PDXDC1: variants seen among roughly 807,000 people sequenced by gnomAD.
PDXDC1 encodes the protein pyridoxal-dependent decarboxylase domain-containing protein 1.
A neutral mutation model predicts 100.1 loss-of-function variants in PDXDC1; 42 were observed. The observed-to-expected ratio is 0.42, with a 90% CI of 0.33 to 0.54. The LOEUF (loss-of-function observed/expected upper bound fraction) is 0.54, where lower values mean the gene tolerates loss of function less well. Among genes scored for constraint, PDXDC1 ranks in the 20% least tolerant of loss-of-function variants. The pLI, the probability that PDXDC1 is intolerant of heterozygous loss-of-function variation, is 0.10. For synonymous variants in PDXDC1, 260 were observed against 371.7 expected, an observed-to-expected ratio of 0.70 and a Z score of 3.46; for missense variants, 636 against 979.2, an observed-to-expected ratio of 0.65 and a Z score of 4.68.
At chr16:15,141,957 A>G (rs955961437), downstream of PDXDC1, among the ~76,000 whole-genome samples, 2 of 152,170 alleles carry the variant, frequency 1.3e-5, no homozygotes, top group Non-Finnish European at 2.9e-5. Flanking sequence ...ATGAGGCACC[A>G]GGACCTGAGG....
intron 16 of PDXDC1, among the ~76,000 whole-genome samples, chr16:15,087,122 A>G (rs2045940907): frequency 6.6e-6 from 1 of 152,198 alleles, no homozygotes; most frequent in Admixed American, 6.5e-5. Context: ...AATTATATTC[A>G]TGCATATATA....
intron 16 of PDXDC1, among the ~76,000 whole-genome samples, chr16:15,077,869 T>C (rs966428287): frequency 1.3e-5 from 2 of 152,084 alleles, no homozygotes; most frequent in African/African-American, 4.8e-5. Context: ...TCTCTTTTTC[T>C]TCCCAGGCTC....
chr16:15,067,119 T>C (rs1173238583), intron 16 of PDXDC1, among the ~76,000 whole-genome samples: 2 of 149,732 alleles, frequency 1.3e-5, no homozygotes, highest in African/African-American at 4.9e-5. Flanking sequence ...TCCTTTACTA[T>C]CACTGAGACT....
upstream of PDXDC1, chr16:14,974,749 AG>A (rs1309826216): frequency 1.3e-6 from 2 of 1,535,378 alleles, no homozygotes; most frequent in Non-Finnish European, 1.7e-6. Context: ...TCCATTCTCG[AG>A]GGATGCCGGC....
intron 15 of PDXDC1, chr16:15,029,720 C>T (rs1208818886): frequency 3.5e-6 from 2 of 575,072 alleles, no homozygotes; most frequent in Non-Finnish European, 6.1e-6. Flanking sequence ...TTATTTTCTT[C>T]TTTTTGTTTA....
chr16:15,141,629 A>T (rs544708779), downstream of PDXDC1, among the ~76,000 whole-genome samples: 1 of 151,192 alleles, frequency 6.6e-6, no homozygotes, highest in East Asian at 2.0e-4. Flanking sequence ...CCCTAACTGA[A>T]CCCTGCTTCT....
Position 15,033,244 on chromosome 16 carries a change from T to C in PDXDC1, c.1691-34T>C, listed in dbSNP as rs201381276. 5.1e-4 allele frequency: 815 copies of C among 1,613,314 alleles called. 2 individuals carry two copies. The highest frequency in any genetic ancestry group is 6.3e-4 in the Non-Finnish European group (747 of 1,179,354). ...CCACGTCTCACCCATGACAGAGGACTGAGAAACTCAAGTTTGTCTCGTTAC... is the reference window on the plus strand; with the variant it reads ...CCACGTCTCACCCATGACAGAGGACCGAGAAACTCAAGTTTGTCTCGTTAC... On this transcript the variant is annotated intron_variant, in intron 18 of 22. Transcript: ENST00000396410.
intron 12 of PDXDC1, among the ~76,000 whole-genome samples, chr16:15,021,474 C>G (rs2042204379): frequency 6.6e-6 from 1 of 152,292 alleles, no homozygotes; most frequent in Non-Finnish European, 1.5e-5. Flanking sequence ...TATTAGCTCA[C>G]TTCTTGAGAT....
At chr16:14,987,488 A>C (rs1383863067) in intron 1 of PDXDC1, among the ~76,000 whole-genome samples, 3 of 152,294 alleles carry the variant, frequency 2.0e-5, no homozygotes, top group African/African-American at 7.2e-5. Context: ...AGTAAGTATT[A>C]GTAATTATAA....
chr16:15,031,624 G>A, intron 16 of PDXDC1, 111 bp from the exon 17 acceptor site: 1 of 849,942 alleles, frequency 1.2e-6, no homozygotes, highest in Non-Finnish European at 1.9e-6. Flanking sequence ...ATGGCTCCCG[G>A]TAACTGGAGT....
At chr16:15,020,879 G>C (rs2042144807) in intron 12 of PDXDC1, among the ~76,000 whole-genome samples, 1 of 152,258 alleles carries the variant, frequency 6.6e-6, no homozygotes. Context: ...AGCTACTCAG[G>C]AGGCTGAGGC....
intron 1 of PDXDC1, chr16:14,989,651 C>G: frequency 1.3e-6 from 2 of 1,574,930 alleles, no homozygotes; most frequent in South Asian, 2.3e-5. Flanking sequence ...CGGAGGCGGG[C>G]CCGGGGCCGG....
intron 16 of PDXDC1, chr16:15,128,342 T>A (rs1426048608): frequency 3.1e-6 from 5 of 1,607,366 alleles, no homozygotes; most frequent in Non-Finnish European, 4.2e-6. Flanking sequence ...CGGTGGCCGC[T>A]CCGGCTGTCC....
chr16:15,146,479 A>C, the PDXDC1 span, among the ~76,000 whole-genome samples: 1 of 152,066 alleles, frequency 6.6e-6, no homozygotes, highest in Non-Finnish European at 1.5e-5. Context: ...CCAGCCCCGC[A>C]CGTCTCACAC....
At chr16:15,098,744 G>A (rs747235868) in intron 16 of PDXDC1, among the ~76,000 whole-genome samples, 32 of 152,068 alleles carry the variant, frequency 2.1e-4, no homozygotes, top group Non-Finnish European at 4.1e-4. Flanking sequence ...CTGGCATGGT[G>A]GCACATGCCT....
chr16:15,149,316 T>G, the PDXDC1 span, among the ~76,000 whole-genome samples: 5 of 152,174 alleles, frequency 3.3e-5, no homozygotes, highest in Admixed American at 6.5e-5. Flanking sequence ...TCTGCGTGTT[T>G]GTTGAACGCG....
chr16:15,146,218 C>T, the PDXDC1 span, among the ~76,000 whole-genome samples: 24 of 152,240 alleles, frequency 1.6e-4, no homozygotes, highest in Admixed American at 1.3e-3. Context: ...GATGCCCTGG[C>T]CTCAGAAGAG....
At chr16:15,003,297 A>C (rs1288040576) in intron 4 of PDXDC1, among the ~76,000 whole-genome samples, 1 of 151,764 alleles carries the variant, frequency 6.6e-6, no homozygotes, top group Non-Finnish European at 1.5e-5. Context: ...GCTCACTTCA[A>C]GCTCTGCCTC....
chr16:15,104,707 G>A lies in PDXDC1; in HGVS notation c.1400-34172G>A, dbSNP rs755258421. Reference sequence around the variant, plus strand: ...TTTAAAGTTTCAGCTGTGAGGTAGGGCCAGCAGGGCAATCCTGAAGAATGA... The same window carrying A: ...TTTAAAGTTTCAGCTGTGAGGTAGGACCAGCAGGGCAATCCTGAAGAATGA... On this transcript the variant is annotated intron_variant, in intron 16 of 16. Coordinates refer to the PDXDC1 transcript ENST00000535621. 5.6e-6 allele frequency: 9 copies of A among 1,597,380 alleles called. No homozygotes were observed. The African/African-American group carries it at 6.7e-5, about 12-fold the overall frequency.
Sources: allele counts gnomAD v4.1 joint callset (sites outside exome capture counted in the v4.1 genomes callset), GRCh38; gene constraint gnomAD v4.1.1; transcripts MANE v1.5; gene names NCBI Gene and HGNC (gene_info 2026-07-23, HGNC 2026-07-21).